The following HSD17B14 variants were observed in gnomAD, a reference collection of about 807,000 sequenced individuals.
The protein encoded by HSD17B14 is hydroxysteroid 17-beta dehydrogenase 14.
HSD17B14 carries 32 observed loss-of-function variants against 32.2 expected under a neutral mutation model. The observed-to-expected ratio is 0.99, with a 90% CI of 0.75 to 1.33. HSD17B14 has a LOEUF of 1.33. HSD17B14 is among the 40% of genes most tolerant of loss of function. HSD17B14 has a pLI of 0.00. For missense variants in HSD17B14, 370 were observed against 366.5 expected (o/e 1.01, Z -0.08); for synonymous variants, 140 against 155.4 (o/e 0.90, Z 0.74).
intron 5 of HSD17B14, among the ~76,000 whole-genome samples, chr19:48,819,500 T>C (rs1310406931): frequency 6.6e-6 from 1 of 152,220 alleles, no homozygotes; most frequent in Admixed American, 6.6e-5. Context: ...CTGCCTGATC[T>C]GGTTCCCACC....
intron 5 of HSD17B14, among the ~76,000 whole-genome samples, chr19:48,817,529 C>A (rs1225218721): frequency 2.6e-5 from 4 of 152,236 alleles, no homozygotes; most frequent in South Asian, 2.1e-4. Context: ...CCCCTGGGTC[C>A]CCTTCCCTCT....
rs1248746874 is a variant in HSD17B14 at position 48,835,851 on chromosome 19, T to C, written c.89-8A>G. The C allele has an allele frequency of 2.5e-6, 4 of 1,613,252 alleles. No homozygotes were observed. The highest frequency in any genetic ancestry group is 3.4e-6 in the Non-Finnish European group (4 of 1,179,612). On this transcript the variant is annotated splice_region_variant and splice_polypyrimidine_tract_variant and intron_variant, in intron 1 of 8. Coordinates refer to ENST00000263278, the MANE Select transcript of HSD17B14 (RefSeq NM_016246.3). The stretch of plus-strand genomic sequence containing the variant: ...CTCGGGCCCCGCTGTTCACTGAGAA[T>C]AGGAAGGGAACAGGTTACTCTCCGA...
chr19:48,813,281 T>C lies in HSD17B14; in HGVS notation c.707A>G (p.Asn236Ser), dbSNP rs918864488. The change falls in exon 9 of 9, where the codon AAC (asparagine) becomes AGC (serine). Residue 236 changes from asparagine (N) to serine (S), a missense_variant. Coordinates refer to ENST00000263278, the MANE Select transcript of HSD17B14 (RefSeq NM_016246.3). ...AAAVFLASEA[N>S]FCTGIELLVT... Reference sequence around the variant, plus strand: ...GAGCAGTTCAATGCCCGTGCAGAAGTTGGCTTCGGAGGCCAGGAACACTGC... The same window carrying C: ...GAGCAGTTCAATGCCCGTGCAGAAGCTGGCTTCGGAGGCCAGGAACACTGC... 3 of 1,604,914 alleles carry C rather than the reference T, an allele frequency of 1.9e-6. No homozygotes were observed. The highest frequency in any genetic ancestry group is 1.1e-5 in the South Asian group (1 of 89,476).
intron 5 of HSD17B14, among the ~76,000 whole-genome samples, chr19:48,819,353 C>T (rs761026498): frequency 5.9e-5 from 9 of 152,142 alleles, no homozygotes; most frequent in Non-Finnish European, 1.2e-4. Context: ...ATTTGTCCCT[C>T]ATACCTACAG....
intron 3 of HSD17B14, 80 bp downstream of exon 3, chr19:48,834,196 A>G: frequency 1.8e-6 from 2 of 1,126,524 alleles, no homozygotes; most frequent in South Asian, 2.6e-5. Flanking sequence ...AGTAGAGGGA[A>G]AGGCATATGC....
intron 5 of HSD17B14, among the ~76,000 whole-genome samples, chr19:48,825,361 G>A (rs1402005665): frequency 6.6e-6 from 1 of 152,060 alleles, no homozygotes; most frequent in Non-Finnish European, 1.5e-5. Flanking sequence ...GCCCAGGCTG[G>A]AATGCAGCGG....
At chr19:48,826,528 A>ATATATATATATAT (rs2035250713) in intron 5 of HSD17B14, among the ~76,000 whole-genome samples, 15 of 23,076 alleles carry the variant, frequency 6.5e-4, no homozygotes, top group Non-Finnish European at 1.2e-3. Flanking sequence ...AAAAGAAGAA[A>ATATATATATATAT]ATATATATAT....
rs144982916 is a variant in HSD17B14, at chr19:48,827,559, A to G, written c.369+4109T>C. 3.1e-3 allele frequency among the ~76,000 whole-genome samples: 475 copies of G among 151,428 alleles called. 1 individual carries two copies. The highest frequency in any genetic ancestry group is 0.011 in the African/African-American group (440 of 41,092). On this transcript the variant is annotated intron_variant, in intron 5 of 8. Coordinates refer to ENST00000263278, the MANE Select transcript of HSD17B14 (RefSeq NM_016246.3). The stretch of plus-strand genomic sequence containing the variant: ...GTTCTTCTCCTTCGTTTTTTTTTAG[A>G]TAGAGTCTTGCTCTGTTGCCCAGGC...
intron 5 of HSD17B14, among the ~76,000 whole-genome samples, chr19:48,818,098 G>A (rs2035085837): frequency 6.6e-6 from 1 of 151,956 alleles, no homozygotes; most frequent in Admixed American, 6.6e-5. Context: ...GTCACCTGAG[G>A]TCAGGAGTTC....
chr19:48,831,521 C>A (rs1468585339), intron 5 of HSD17B14, 147 bp downstream of exon 5: 5 of 673,252 alleles, frequency 7.4e-6, no homozygotes, highest in Non-Finnish European at 2.7e-6. Context: ...CCACTGTCCT[C>A]CAGCCTGGGC....
chr19:48,821,986 G>T (rs190064804), intron 5 of HSD17B14, among the ~76,000 whole-genome samples: 1 of 151,466 alleles, frequency 6.6e-6, no homozygotes. Flanking sequence ...GATGATTGTG[G>T]TAATGGTGAT....
At chr19:48,835,281 T>C (rs2035460751) in intron 2 of HSD17B14, among the ~76,000 whole-genome samples, 1 of 70,002 alleles carries the variant, frequency 1.4e-5, no homozygotes, top group Non-Finnish European at 2.4e-5. Flanking sequence ...GACTCCTGGG[T>C]CTGAGGGAGG....
chr19:48,833,977 C>T (rs2035397650), intron 3 of HSD17B14, among the ~76,000 whole-genome samples: 1 of 151,880 alleles, frequency 6.6e-6, no homozygotes, highest in South Asian at 2.1e-4. Context: ...GTGACACTTA[C>T]AAAAAAAAGA....
intron 1 of HSD17B14, 46 bp downstream of exon 1, chr19:48,836,278 T>C (rs1249842010): frequency 2.8e-6 from 4 of 1,423,812 alleles, no homozygotes; most frequent in South Asian, 1.1e-5. Context: ...GCCCCCATCC[T>C]TCCTTTCTCA....
At chr19:48,832,490 C>CA (rs1357568660) in intron 4 of HSD17B14, among the ~76,000 whole-genome samples, 176 bp downstream of exon 4, 1 of 152,084 alleles carries the variant, frequency 6.6e-6, no homozygotes, top group Non-Finnish European at 1.5e-5. Flanking sequence ...GGAACAGGGC[C>CA]ACAGTTTCAG....
chr19:48,834,787 AGCCTGGACTCCTG>A (rs2035443250), intron 2 of HSD17B14, among the ~76,000 whole-genome samples: 2 of 16,998 alleles, frequency 1.2e-4, no homozygotes, highest in African/African-American at 5.7e-4. Flanking sequence ...AGGGGCTGGG[AGCCTGGACTCCTG>A]GGTCTGAGGG....
intron 6 of HSD17B14, 27 bp downstream of exon 6, chr19:48,815,010 G>A: frequency 1.3e-6 from 2 of 1,560,604 alleles, no homozygotes; most frequent in Non-Finnish European, 1.8e-6. Flanking sequence ...GAGTAGGGAG[G>A]GAAGGAAGGG....
chr19:48,831,766 T>C lies in HSD17B14; in HGVS notation c.278-7A>G. On this transcript the variant is annotated splice_polypyrimidine_tract_variant and splice_region_variant and intron_variant, in intron 4 of 8. Transcript: ENST00000263278. ...GGCCTCTGTGGGGGTGGGTCTAAAGTGGGGGGTGAGAGAGAGAGGAAAAGT... is the reference window on the plus strand; with the variant it reads ...GGCCTCTGTGGGGGTGGGTCTAAAGCGGGGGGTGAGAGAGAGAGGAAAAGT... 6.5e-7 allele frequency: 1 copy of C among 1,546,044 alleles called. No homozygotes were observed. Among genetic ancestry groups the C allele is most frequent in the Non-Finnish European group, 8.9e-7 (1 of 1,129,200 alleles).
intron 1 of HSD17B14, 53 bp from the exon 2 acceptor site, chr19:48,835,896 C>A: frequency 6.3e-7 from 1 of 1,577,140 alleles, no homozygotes; most frequent in Non-Finnish European, 8.7e-7. Context: ...AAAGCCTCTG[C>A]CGCCCTCTTG....
Sources: gnomAD v4.1 joint callset for allele counts (sites outside exome capture counted in the v4.1 genomes callset) on GRCh38, gnomAD v4.1.1 for gene constraint, MANE v1.5 for transcripts, NCBI Gene and HGNC (gene_info 2026-07-23, HGNC 2026-07-21) for gene names.